The following GPC3 variants were observed in gnomAD, a reference collection of about 807,000 sequenced individuals.
GPC3 encodes the protein glypican 3.
GPC3 carries 3 observed loss-of-function variants against 34.4 expected under a neutral mutation model. That is an observed-to-expected ratio of 0.09 (90% CI 0.04 to 0.23). The LOEUF (loss-of-function observed/expected upper bound fraction) is 0.23, where lower values mean the gene tolerates loss of function less well. GPC3 is among the 10% of genes least tolerant of loss of function. The pLI is 1.00. For synonymous variants in GPC3, 177 were observed against 174.0 expected, an observed-to-expected ratio of 1.02 and a Z score of -0.13; for missense variants, 351 against 445.6, an observed-to-expected ratio of 0.79 and a Z score of 1.91.
chrX:133,671,303 C>G, intron 5 of GPC3: 1 of 812,734 alleles, frequency 1.2e-6, no homozygotes, highest in Admixed American at 2.2e-5. Flanking sequence ...AAGAAAGCAA[C>G]GAAAGGAATG....
At chrX:133,727,514 C>T (rs2071421480) in intron 3 of GPC3, among the ~76,000 whole-genome samples, 1 of 109,927 alleles carries the variant, frequency 9.1e-6, no homozygotes, top group Admixed American at 9.7e-5. Context: ...TGCGCCATTG[C>T]ACTCCAGCCT....
At chrX:133,854,665 CA>C (rs1050203388) in intron 2 of GPC3, among the ~76,000 whole-genome samples, 4 of 110,998 alleles carry the variant, frequency 3.6e-5, no homozygotes, top group South Asian at 7.4e-4. Flanking sequence ...TGAGTTGTTC[CA>C]AAAAAAAGTT....
At chrX:133,557,812 C>G (rs1014372014) in intron 7 of GPC3, among the ~76,000 whole-genome samples, 1 of 111,411 alleles carries the variant, frequency 9.0e-6, no homozygotes, top group East Asian at 2.8e-4. Flanking sequence ...AAATTCATTG[C>G]TCAGCCTGCA....
At position 133,825,899 on chromosome X, in the gene GPC3, A is replaced by G. The variant is rs145241550; in HGVS notation, c.338-71723T>C. 5.1e-3 allele frequency among the ~76,000 whole-genome samples: 571 copies of G among 112,151 alleles called. 2 individuals are homozygous for G. The highest frequency in any genetic ancestry group is 8.6e-3 in the Non-Finnish European group (457 of 53,253). ...ATTGGAAAATTTGTTCATTCCAAGCATTTAAGGAAAATCTCTGTCCAATCA... is the reference window on the plus strand; with the variant it reads ...ATTGGAAAATTTGTTCATTCCAAGCGTTTAAGGAAAATCTCTGTCCAATCA... On this transcript the variant is annotated intron_variant, in intron 2 of 7. Transcript: ENST00000370818.
At chrX:133,722,391 T>A (rs1399781515) in intron 3 of GPC3, among the ~76,000 whole-genome samples, 1 of 111,492 alleles carries the variant, frequency 9.0e-6, no homozygotes, top group African/African-American at 3.3e-5. Flanking sequence ...ATTTACAAGG[T>A]TCAGAGTACA....
intron 4 of GPC3, among the ~76,000 whole-genome samples, chrX:133,695,372 A>G (rs769520843): frequency 2.7e-5 from 3 of 112,368 alleles, no homozygotes; most frequent in Non-Finnish European, 3.8e-5. Flanking sequence ...TATACTAAGA[A>G]CAATTGAATT....
intron 3 of GPC3, among the ~76,000 whole-genome samples, chrX:133,718,326 G>A (rs1288108096): frequency 9.0e-6 from 1 of 111,203 alleles, no homozygotes; most frequent in Non-Finnish European, 1.9e-5. Context: ...AGAAAAAAAG[G>A]GATTTACATG....
intron 7 of GPC3, among the ~76,000 whole-genome samples, chrX:133,558,967 G>A: frequency 9.0e-6 from 1 of 111,096 alleles, no homozygotes; most frequent in African/African-American, 3.3e-5. Context: ...TCATGAATAA[G>A]CCCTTAAAGT....
At chrX:133,617,916 G>T (rs1172023743) in intron 6 of GPC3, among the ~76,000 whole-genome samples, 3 of 111,370 alleles carry the variant, frequency 2.7e-5, no homozygotes, top group African/African-American at 9.8e-5. Flanking sequence ...GAGCCACTGT[G>T]CCCAGCCCCT....
At chrX:133,608,099 C>T (rs989338959) in intron 6 of GPC3, among the ~76,000 whole-genome samples, 2 of 112,553 alleles carry the variant, frequency 1.8e-5, no homozygotes, top group Non-Finnish European at 3.8e-5. Flanking sequence ...GTTATAAAGG[C>T]TGGACCTGAG....
intron 2 of GPC3, among the ~76,000 whole-genome samples, chrX:133,914,142 G>T (rs2076213084): frequency 9.0e-6 from 1 of 111,332 alleles, no homozygotes; most frequent in Admixed American, 9.6e-5. Context: ...AATGTTTGAG[G>T]ACTATTAAGA....
chrX:133,663,041 C>G (rs947178737), intron 5 of GPC3, among the ~76,000 whole-genome samples: 2 of 111,214 alleles, frequency 1.8e-5, no homozygotes, highest in Non-Finnish European at 3.8e-5. Context: ...AAGAGTGGAC[C>G]ATGGTCAACA....
chrX:133,794,964 C>T (rs375110306), intron 2 of GPC3, among the ~76,000 whole-genome samples: 3 of 111,909 alleles, frequency 2.7e-5, no homozygotes, highest in Admixed American at 9.5e-5. Flanking sequence ...GACTATGAAC[C>T]GCTAGAGGGT....
At chrX:133,952,918 C>T in intron 2 of GPC3, 132 bp downstream of exon 2, 1 of 598,964 alleles carries the variant, frequency 1.7e-6, no homozygotes, top group Non-Finnish European at 2.8e-6. Flanking sequence ...CAGAATTTCT[C>T]ACTGGGAGGT....
intron 2 of GPC3, chrX:133,762,995 C>T: frequency 1.4e-6 from 1 of 728,482 alleles, no homozygotes; most frequent in Non-Finnish European, 2.1e-6. Flanking sequence ...ACCATTGTTG[C>T]CATTGAAAAC....
chrX:133,694,565 A>T (rs1329897950), intron 4 of GPC3, among the ~76,000 whole-genome samples: 5 of 110,554 alleles, frequency 4.5e-5, no homozygotes, highest in Non-Finnish European at 7.6e-5. Flanking sequence ...GAGTCTAAGT[A>T]ATTCCCCCCA....
intron 5 of GPC3, 105 bp from the exon 6 acceptor site, chrX:133,661,955 G>GGTCGTCTC: frequency 1.0e-6 from 1 of 956,491 alleles, no homozygotes; most frequent in Non-Finnish European, 1.5e-6. Flanking sequence ...AAGCTCATGA[G>GGTCGTCTC]ACGACCTCAT....
intron 6 of GPC3, among the ~76,000 whole-genome samples, chrX:133,645,484 T>G (rs890860987): frequency 2.7e-5 from 3 of 112,372 alleles, no homozygotes. Context: ...GGAGATCAGT[T>G]GCATTACAAC....
chrX:133,849,173 C>T (rs753223887), intron 2 of GPC3, among the ~76,000 whole-genome samples: 12 of 96,678 alleles, frequency 1.2e-4, no homozygotes, highest in Non-Finnish European at 2.4e-4. Context: ...CGGCTTACTG[C>T]AAGCTCCGCC....
Sources: allele counts gnomAD v4.1 joint callset (sites outside exome capture counted in the v4.1 genomes callset), GRCh38; gene constraint gnomAD v4.1.1; transcripts MANE v1.5; gene names NCBI Gene and HGNC (gene_info 2026-07-23, HGNC 2026-07-21).